Variants in RUNX2 observed in about 807,000 individuals in gnomAD.
RUNX2 encodes the protein RUNX family transcription factor 2.
Under a neutral mutation model 51.7 loss-of-function variants are expected in RUNX2, and 10 were observed. The observed-to-expected ratio is 0.19, with a 90% CI of 0.12 to 0.33. The LOEUF is 0.33. RUNX2 is among the 10% of genes least tolerant of loss of function. The pLI is 1.00. For missense variants in RUNX2, 562 were observed against 691.3 expected, an observed-to-expected ratio of 0.81 and a Z score of 2.10; for synonymous variants, 276 against 273.6, an observed-to-expected ratio of 1.01 and a Z score of -0.09.
intron 7 of RUNX2, among the ~76,000 whole-genome samples, chr6:45,543,502 G>C (rs753533804): frequency 6.6e-6 from 1 of 152,178 alleles, no homozygotes; most frequent in African/African-American, 2.4e-5. Flanking sequence ...AGCTCTGAGC[G>C]TACCAGGCAT....
At chr6:45,428,516 T>C (rs977657764) in intron 3 of RUNX2, among the ~76,000 whole-genome samples, 2 of 152,166 alleles carry the variant, frequency 1.3e-5, no homozygotes, top group East Asian at 1.9e-4. Context: ...ACAGGAAAGA[T>C]TGTCACTACC....
Position 45,374,089 on chromosome 6 carries a change from G to A in RUNX2, c.58+45305G>A, listed in dbSNP as rs777881282. 4.6e-5 allele frequency among the ~76,000 whole-genome samples: 7 copies of A among 152,234 alleles called. No homozygotes were observed. In the East Asian group the frequency reaches 5.8e-4, roughly 13 times the overall value. On this transcript the variant is annotated intron_variant, in intron 2 of 8. Transcript: ENST00000647337. ...GCCACCAACAGTCCTATGAGAAAGC[G>A]GGATGAGGATGGGTACTAATTCCAT...
intron 7 of RUNX2, among the ~76,000 whole-genome samples, chr6:45,523,255 GATT>G (rs1257845341): frequency 6.6e-6 from 1 of 151,952 alleles, no homozygotes; most frequent in Non-Finnish European, 1.5e-5. Flanking sequence ...GGAACTGCAT[GATT>G]ATTATTATTA....
intron 6 of RUNX2, 72 bp downstream of exon 6, chr6:45,492,186 G>T: frequency 6.8e-7 from 1 of 1,467,756 alleles, no homozygotes; most frequent in Non-Finnish European, 9.5e-7. Context: ...CAGAGGAGAT[G>T]TGTTCACTTC....
Position 45,422,753 on chromosome 6 carries a change from G to GGCGGCGGCGGCT in RUNX2, c.231_242dup (p.Ala86_Ala89dup). The GGCGGCGGCGGCT allele has an allele frequency of 3.0e-6, 4 of 1,353,098 alleles. No individual in the cohort carries two copies. Among genetic ancestry groups the GGCGGCGGCGGCT allele is most frequent in the African/African-American group, 1.5e-5 (1 of 67,138 alleles). 83.8% of individuals were successfully genotyped at this position (1,353,098 alleles called of 1,614,324 possible). A position where few individuals can be genotyped will look rare whatever the true frequency, so the allele number is the denominator to read the frequency against. The stretch of plus-strand genomic sequence containing the variant: ...AACAGCAGCAGCAGCAGCAGGAGGC[G>GGCGGCGGCGGCT]GCGGCGGCGGCTGCGGCGGCGGCGG... On this transcript the variant is annotated inframe_insertion, in exon 3 of 9. Transcript: ENST00000647337.
intron 2 of RUNX2, among the ~76,000 whole-genome samples, chr6:45,400,193 A>AGGAG (rs1797682476): frequency 6.9e-6 from 1 of 144,886 alleles, no homozygotes; most frequent in Non-Finnish European, 1.5e-5. Context: ...GAATGAGGGA[A>AGGAG]GGAAGGAAGG....
chr6:45,330,484 A>T (rs534331901), intron 2 of RUNX2, among the ~76,000 whole-genome samples: 41 of 152,150 alleles, frequency 2.7e-4, no homozygotes, highest in African/African-American at 9.6e-4. Flanking sequence ...ACTCTGTTTA[A>T]CTATTTATTT....
chr6:45,482,921 TGAA>T lies in RUNX2; in HGVS notation c.686-9017_686-9015del, dbSNP rs1272610728. Reference sequence around the variant, plus strand: ...TGTTTAAGAGCTGAAAGGGGACTCTTGAAGATATGTGGTAGTGATTATGATTTT... The same window carrying T: ...TGTTTAAGAGCTGAAAGGGGACTCTTGATATGTGGTAGTGATTATGATTTT... On this transcript the variant is annotated intron_variant, in intron 5 of 8. Coordinates refer to ENST00000647337, the MANE Select transcript of RUNX2 (RefSeq NM_001024630.4). Among the ~76,000 whole-genome samples, 5 of 152,320 alleles carry T rather than the reference TGAA, an allele frequency of 3.3e-5. No homozygotes were observed. The East Asian group carries it at 9.6e-4, about 29-fold the overall frequency.
At chr6:45,422,378 C>T in intron 2 of RUNX2, 1 of 547,246 alleles carries the variant, frequency 1.8e-6, no homozygotes, top group Admixed American at 3.1e-5. Flanking sequence ...CCCGACTGCG[C>T]CGCATCGCCA....
chr6:45,532,580 G>A (rs756174409), intron 7 of RUNX2, among the ~76,000 whole-genome samples: 1 of 152,126 alleles, frequency 6.6e-6, no homozygotes, highest in Non-Finnish European at 1.5e-5. Context: ...CATGGCCATT[G>A]TGACCTGAAG....
At chr6:45,514,136 A>G (rs62400367) in intron 7 of RUNX2, among the ~76,000 whole-genome samples, 23,831 of 152,092 alleles carry the variant, frequency 0.16, 2,156 homozygotes, top group African/African-American at 0.22. Context: ...AAAAAACCTC[A>G]GGGAGTGATG....
chr6:45,353,601 C>A (rs1026138093), intron 2 of RUNX2, among the ~76,000 whole-genome samples: 1 of 151,904 alleles, frequency 6.6e-6, no homozygotes, highest in African/African-American at 2.4e-5. Context: ...TAACTTAGAA[C>A]CCTCCCTGAC....
chr6:45,427,243 T>C (rs996321481), intron 3 of RUNX2, among the ~76,000 whole-genome samples: 2 of 152,116 alleles, frequency 1.3e-5, no homozygotes, highest in Non-Finnish European at 2.9e-5. Context: ...ATGGTAGATA[T>C]CTTTCATTAT....
At chr6:45,536,961 T>A (rs1248899883) in intron 7 of RUNX2, among the ~76,000 whole-genome samples, 2 of 152,170 alleles carry the variant, frequency 1.3e-5, no homozygotes, top group Non-Finnish European at 2.9e-5. Flanking sequence ...ATTTATGTAT[T>A]TTCTAGCTTG....
chr6:45,333,954 T>C (rs562155442), intron 2 of RUNX2, among the ~76,000 whole-genome samples: 2 of 151,252 alleles, frequency 1.3e-5, no homozygotes, highest in South Asian at 2.1e-4. Flanking sequence ...ATCTCTGACA[T>C]ATATACATAC....
intron 7 of RUNX2, among the ~76,000 whole-genome samples, chr6:45,522,589 T>C (rs1478110221): frequency 6.6e-6 from 1 of 152,224 alleles, no homozygotes; most frequent in Non-Finnish European, 1.5e-5. Context: ...TCTTGTCTTT[T>C]CCCAGCTAGA....
At chr6:45,375,611 A>G (rs1326354722) in intron 2 of RUNX2, among the ~76,000 whole-genome samples, 1 of 151,926 alleles carries the variant, frequency 6.6e-6, no homozygotes, top group African/African-American at 2.4e-5. Flanking sequence ...TGGCCTGACC[A>G]TGATTCACTG....
chr6:45,438,080 G>C (rs747811696), intron 5 of RUNX2, 29 bp downstream of exon 5: 13 of 1,371,150 alleles, frequency 9.5e-6, no homozygotes, highest in Non-Finnish European at 1.0e-5. Context: ...ATTGAAGAAA[G>C]TAATAGAGTT....
chr6:45,519,621 G>A (rs538069456), intron 7 of RUNX2, among the ~76,000 whole-genome samples: 22 of 151,956 alleles, frequency 1.4e-4, no homozygotes, highest in Non-Finnish European at 2.8e-4. Context: ...GCCTTTTCCA[G>A]TGTTATATAG....
Sources: gnomAD v4.1 joint callset for allele counts (sites outside exome capture counted in the v4.1 genomes callset) on GRCh38, gnomAD v4.1.1 for gene constraint, MANE v1.5 for transcripts, NCBI Gene and HGNC (gene_info 2026-07-23, HGNC 2026-07-21) for gene names.